The following NUP214 variants were observed in gnomAD, a reference collection of about 807,000 sequenced individuals.
NUP214 encodes the protein nucleoporin 214.
NUP214 carries 79 observed loss-of-function variants against 196.2 expected under a neutral mutation model. That is an observed-to-expected ratio of 0.40 (90% CI 0.34 to 0.49). The LOEUF (loss-of-function observed/expected upper bound fraction) is 0.49. NUP214 is among the 20% of genes least tolerant of loss of function. The probability of loss-of-function intolerance (pLI) is 0.58; values close to 1 mark genes in which losing one functional copy is unlikely to be tolerated. For synonymous variants in NUP214, 1,020 were observed against 990.5 expected (o/e 1.03, Z -0.56); for missense variants, 2,468 against 2,539.0 (o/e 0.97, Z 0.60).
chr9:131,190,738 G>C (rs141798555), intron 26 of NUP214: 2 of 327,896 alleles, frequency 6.1e-6, no homozygotes, highest in African/African-American at 4.3e-5. Context: ...GTATTCCAGA[G>C]ATCATGATTT....
chr9:131,149,154 C>CTA (rs1832177613), intron 14 of NUP214, among the ~76,000 whole-genome samples: 1 of 152,006 alleles, frequency 6.6e-6, no homozygotes, highest in Non-Finnish European at 1.5e-5. Context: ...AACCCTTGTA[C>CTA]CCTAACACAC....
Position 131,144,723 on chromosome 9 carries a change from A to T in NUP214, c.1738A>T (p.Thr580Ser), listed in dbSNP as rs1472838749. The change falls in exon 12 of 36, where the codon ACC becomes TCC. Residue 580 changes from threonine (T) to serine (S), a missense_variant. Transcript: ENST00000359428. ...AATGAAGCCCTCCTTCCCACCCTCA[A>T]CCTCTGCTGTCAAAGTCAACCTTAG... ...IAMKPSFPPSTSAVKVNLSEK... is the reference protein window; with the variant it reads ...IAMKPSFPPSSSAVKVNLSEK... 1 of 1,609,802 alleles carries T rather than the reference A, an allele frequency of 6.2e-7. No homozygotes were observed. The highest frequency in any genetic ancestry group is 8.5e-7 in the Non-Finnish European group (1 of 1,178,242).
At chr9:131,210,466 A>G (rs1169109138) in intron 30 of NUP214, among the ~76,000 whole-genome samples, 2 of 152,102 alleles carry the variant, frequency 1.3e-5, no homozygotes, top group Admixed American at 6.6e-5. Context: ...CATCTCTACT[A>G]AAAATACTAA....
intron 22 of NUP214, 84 bp downstream of exon 22, chr9:131,174,402 C>A: frequency 1.5e-5 from 18 of 1,169,390 alleles, no homozygotes; most frequent in Non-Finnish European, 1.9e-5. Context: ...CTTATACTGT[C>A]ACACCAATAT....
chr9:131,147,049 C>A (rs1832105332), intron 13 of NUP214, among the ~76,000 whole-genome samples: 1 of 152,068 alleles, frequency 6.6e-6, no homozygotes, highest in African/African-American at 2.4e-5. Flanking sequence ...CACTCTCTCA[C>A]CCAAGCACAT....
At chr9:131,162,502 T>C (rs916120833) in intron 18 of NUP214, among the ~76,000 whole-genome samples, 1 of 152,224 alleles carries the variant, frequency 6.6e-6, no homozygotes, top group African/African-American at 2.4e-5. Context: ...TTTTAGTTCT[T>C]TTGGGCAGGT....
In NUP214 at chr9:131,174,193, A is replaced by T. The variant is rs766214694; in HGVS notation, c.3032A>T (p.Gln1011Leu). The change falls in exon 22 of 36, where the codon CAG becomes CTG. Residue 1011 changes from glutamine to leucine, a missense_variant. By Grantham distance (113) the Gln-to-Leu change is moderately radical. This residue lies in a region of NUP214 where 1,801 missense variants were observed against 1,779.4 expected (regional missense o/e 1.01). Coordinates refer to ENST00000359428, the MANE Select transcript of NUP214 (RefSeq NM_005085.4). ...TGTAAAGATGACGAGGCAGTGGTTC[A>T]GGCCCCTCGGCACGCCCCCGTGGTT... ...TSCKDDEAVVQAPRHAPVVRT... is the reference protein window; with the variant it reads ...TSCKDDEAVVLAPRHAPVVRT... The T allele has an allele frequency of 1.2e-6, 2 of 1,613,992 alleles. No individual in the cohort carries two copies. The highest frequency in any genetic ancestry group is 8.5e-7 in the Non-Finnish European group (1 of 1,179,976).
At chr9:131,210,355 C>T (rs936221552) in intron 30 of NUP214, among the ~76,000 whole-genome samples, 16 of 152,300 alleles carry the variant, frequency 1.1e-4, no homozygotes, top group East Asian at 9.6e-4. Flanking sequence ...AAAGGCCGGG[C>T]ACAGTGGCTC....
At chr9:131,173,651 C>A (rs1164971696) in intron 21 of NUP214, among the ~76,000 whole-genome samples, 1 of 151,982 alleles carries the variant, frequency 6.6e-6, no homozygotes, top group African/African-American at 2.4e-5. Context: ...TGCGTTGGAC[C>A]TGTTCTTAGA....
At chr9:131,230,152 T>G in intron 33 of NUP214, 1 of 186,592 alleles carries the variant, frequency 5.4e-6, no homozygotes, top group South Asian at 9.0e-5. Flanking sequence ...GGGTAGTAAT[T>G]ATTGATTCAG....
intron 30 of NUP214, among the ~76,000 whole-genome samples, chr9:131,212,448 C>T (rs1834272667): frequency 6.6e-6 from 1 of 152,186 alleles, no homozygotes; most frequent in East Asian, 1.9e-4. Context: ...GCTCAGGGGG[C>T]ATCACGGAAC....
rs954236946 is a variant in NUP214, at chr9:131,141,067, C to A, written c.1294+357C>A. ...TTAAAGAAATGATTGTATAGTCTTA[C>A]AGTGAAATGCCATGTACCAATTATA... On this transcript the variant is annotated intron_variant, in intron 11 of 35. Transcript: ENST00000359428. 2.7e-5 allele frequency among the ~76,000 whole-genome samples: 4 copies of A among 149,934 alleles called. No individual in the cohort carries two copies. The South Asian group carries it at 8.4e-4, about 31-fold the overall frequency.
chr9:131,232,336 C>T lies in NUP214; in HGVS notation c.6239+28C>T, dbSNP rs374361142. 2.5e-6 allele frequency: 4 copies of T among 1,607,012 alleles called. No individual in the cohort carries two copies. Among genetic ancestry groups the T allele is most frequent in the Non-Finnish European group, 3.4e-6 (4 of 1,173,652 alleles). On this transcript the variant is annotated intron_variant, in intron 35 of 35. Coordinates refer to ENST00000359428, the MANE Select transcript of NUP214 (RefSeq NM_005085.4). This position sits in a 1 kb window ranked among gnomAD's most constrained non-coding sequence, Gnocchi z 5.1. ...AAGTATCCCCCTTTTTGAGTCTCAC[C>T]TTAATTAAAAGCATTAAATAAGGTT...
intron 29 of NUP214, among the ~76,000 whole-genome samples, chr9:131,200,960 G>C (rs1463710353): frequency 6.6e-6 from 1 of 151,582 alleles, no homozygotes; most frequent in Non-Finnish European, 1.5e-5. Flanking sequence ...CTGAAAGTGA[G>C]GATAAACTAT....
At chr9:131,128,101 A>G (rs528706153) in intron 2 of NUP214, among the ~76,000 whole-genome samples, 1 of 152,342 alleles carries the variant, frequency 6.6e-6, no homozygotes, top group African/African-American at 2.4e-5. Context: ...ATTTTCAACA[A>G]GGGCAGCAGC....
intron 30 of NUP214, among the ~76,000 whole-genome samples, chr9:131,212,322 C>G (rs752649190): frequency 1.3e-5 from 2 of 152,216 alleles, no homozygotes; most frequent in African/African-American, 2.4e-5. Context: ...TGATCTCGCT[C>G]TGCCCCATTT....
intron 31 of NUP214, among the ~76,000 whole-genome samples, chr9:131,217,054 T>C (rs763358205): frequency 6.6e-6 from 1 of 152,214 alleles, no homozygotes; most frequent in Non-Finnish European, 1.5e-5. Flanking sequence ...TCATGACAGA[T>C]GTTTCCTTAA....
At chr9:131,130,668 T>C in intron 4 of NUP214, 98 bp from the exon 5 acceptor site, 1 of 1,126,670 alleles carries the variant, frequency 8.9e-7, no homozygotes, top group Non-Finnish European at 1.3e-6. Flanking sequence ...TTCCATGGAC[T>C]GACAGAGGAA....
chr9:131,168,718 T>C (rs1445771786), intron 21 of NUP214, among the ~76,000 whole-genome samples: 1 of 152,216 alleles, frequency 6.6e-6, no homozygotes, highest in East Asian at 1.9e-4. Context: ...TGTATAGATA[T>C]ATTTAGTTCA....
Sources: gnomAD v4.1 joint callset for allele counts (sites outside exome capture counted in the v4.1 genomes callset) on GRCh38, gnomAD v4.1.1 for gene constraint, gnomAD v4.1.1 regional missense constraint, Gnocchi (gnomAD v3.1) non-coding constraint, MANE v1.5 for transcripts, NCBI Gene and HGNC (gene_info 2026-07-23, HGNC 2026-07-21) for gene names.